The following BIRC6 variants were observed in gnomAD, a reference collection of about 807,000 sequenced individuals.
BIRC6 encodes baculoviral IAP repeat containing 6.
Under a neutral mutation model 503.3 loss-of-function variants are expected in BIRC6, and 98 were observed. That is an observed-to-expected ratio of 0.19 (90% CI 0.17 to 0.23). The LOEUF (loss-of-function observed/expected upper bound fraction) is 0.23. Ranked by LOEUF, BIRC6 falls within the 10% of genes least tolerant of loss-of-function variation. BIRC6 has a pLI of 1.00. For missense variants in BIRC6, 5,360 were observed against 5,806.0 expected (o/e 0.92, Z 2.50); for synonymous variants, 2,240 against 2,078.7 (o/e 1.08, Z -2.11).
rs763488585 is a variant in BIRC6, at chr2:32,534,686, G to A, written c.12291+3135G>A. On this transcript the variant is annotated intron_variant, in intron 61 of 73. Coordinates refer to ENST00000421745, the MANE Select transcript of BIRC6 (RefSeq NM_016252.4). Reference sequence around the variant, plus strand: ...GCAGAGGCTGCAGTTAACCAAGATCGCACCACTGCACTCCAGCCTGGGTGA... The same window carrying A: ...GCAGAGGCTGCAGTTAACCAAGATCACACCACTGCACTCCAGCCTGGGTGA... 3.3e-5 allele frequency among the ~76,000 whole-genome samples: 4 copies of A among 121,006 alleles called. No homozygotes were observed. In the Admixed American group the frequency reaches 3.3e-4, roughly 10 times the overall value. The allele number at this position is 121,006 out of a possible 152,430, so 79.4% of individuals were successfully genotyped here.
rs1350196082 is a variant in BIRC6 at position 32,488,688 on chromosome 2, G to A, written c.8069G>A (p.Arg2690Lys). 2 of 1,439,662 alleles carry A rather than the reference G, an allele frequency of 1.4e-6. No individual in the cohort carries two copies. Among genetic ancestry groups the A allele is most frequent in the Non-Finnish European group, 1.9e-6 (2 of 1,059,968 alleles). The allele number at this position is 1,439,662 out of a possible 1,614,324, so 89.2% of individuals were successfully genotyped here. ...GADIFLYNAN[R>K]IPVISLNQAS... ...GACATATTTTTATATAATGCTAATA[G>A]GATACCTGTTATTTCATTAAATCAA... Residue 2690 changes from arginine (R) to lysine (K), a missense_variant, in exon 42 of 74, where the codon AGG becomes AAG. Physicochemically the swap from Arg to Lys is conservative, Grantham distance 26 (BLOSUM62 2). Around this residue, in one of 16 missense-constraint regions of BIRC6, gnomAD observed 2,299 missense variants for 2,267.2 expected, o/e 1.01. Transcript: ENST00000421745.
At chr2:32,595,363 G>GA (rs1181796861) in intron 68 of BIRC6, among the ~76,000 whole-genome samples, 2 of 152,208 alleles carry the variant, frequency 1.3e-5, no homozygotes, top group Non-Finnish European at 2.9e-5. Context: ...TAAGAGCCTA[G>GA]AAAAAATAAA....
chr2:32,398,793 G>C (rs368627824), intron 6 of BIRC6, among the ~76,000 whole-genome samples: 1 of 152,000 alleles, frequency 6.6e-6, no homozygotes, highest in African/African-American at 2.4e-5. Flanking sequence ...AGAGAGAGAC[G>C]GAAAGGGGTA....
chr2:32,476,997 T>C (rs930207415), intron 34 of BIRC6, among the ~76,000 whole-genome samples: 5 of 152,206 alleles, frequency 3.3e-5, no homozygotes, highest in African/African-American at 1.2e-4. Flanking sequence ...CTCGAATTAA[T>C]ATTTTGTACT....
chr2:32,442,012 C>A lies in BIRC6; in HGVS notation c.3945-53C>A. On this transcript the variant is annotated intron_variant, in intron 17 of 73. Coordinates refer to ENST00000421745, the MANE Select transcript of BIRC6 (RefSeq NM_016252.4). ...TGCCTTTCCAGCCAGGTTGTGATAG[C>A]TTTAGTTGTTCTGTTTTGTTTGGTA... 4 of 1,326,796 alleles carry A rather than the reference C, an allele frequency of 3.0e-6. No individual in the cohort carries two copies. In the East Asian group the frequency reaches 7.4e-5, roughly 24 times the overall value. 82.2% of individuals were successfully genotyped at this position (1,326,796 alleles called of 1,614,324 possible).
At chr2:32,605,820 T>G (rs2062410669) in intron 71 of BIRC6, among the ~76,000 whole-genome samples, 1 of 152,056 alleles carries the variant, frequency 6.6e-6, no homozygotes, top group Non-Finnish European at 1.5e-5. Context: ...ATCGCACCAC[T>G]GCACTCCAGC....
At chr2:32,522,235 T>G (rs1211159900) in intron 57 of BIRC6, 1 of 152,068 alleles carries the variant, frequency 6.6e-6, no homozygotes, top group Non-Finnish European at 1.5e-5. Flanking sequence ...CCTTATGGAT[T>G]GTATGTTCTC....
intron 5 of BIRC6, among the ~76,000 whole-genome samples, chr2:32,394,046 T>C (rs1372651896): frequency 1.3e-5 from 2 of 151,478 alleles, no homozygotes; most frequent in Admixed American, 6.6e-5. Flanking sequence ...TTAGAATCAG[T>C]GAAATAATTT....
At chr2:32,373,706 G>A (rs888455756) in intron 1 of BIRC6, among the ~76,000 whole-genome samples, 4 of 152,182 alleles carry the variant, frequency 2.6e-5, no homozygotes, top group African/African-American at 7.2e-5. Flanking sequence ...GGAAAAAATA[G>A]AATTACCATA....
intron 3 of BIRC6, among the ~76,000 whole-genome samples, chr2:32,385,532 A>G (rs547770511): frequency 2.6e-4 from 39 of 152,320 alleles, no homozygotes; most frequent in Admixed American, 9.2e-4. Context: ...GTTTTTCAAA[A>G]GGAGAATGGT....
intron 50 of BIRC6, among the ~76,000 whole-genome samples, chr2:32,507,420 C>G (rs2053920228): frequency 6.6e-6 from 1 of 151,998 alleles, no homozygotes; most frequent in Non-Finnish European, 1.5e-5. Context: ...GGCAACAGAG[C>G]AAGACTCTAT....
At chr2:32,388,512 T>C (rs1188786325) in intron 3 of BIRC6, among the ~76,000 whole-genome samples, 1 of 152,234 alleles carries the variant, frequency 6.6e-6, no homozygotes, top group African/African-American at 2.4e-5. Context: ...TGGCCTTTAC[T>C]GCACATTTTC....
chr2:32,585,579 C>T (rs2151246654), intron 66 of BIRC6, among the ~76,000 whole-genome samples: 1 of 152,262 alleles, frequency 6.6e-6, no homozygotes, highest in South Asian at 2.1e-4. Context: ...AGGATTTTGC[C>T]ATGTTGGCCA....
intron 50 of BIRC6, among the ~76,000 whole-genome samples, chr2:32,506,749 A>G (rs972465344): frequency 2.6e-5 from 4 of 152,256 alleles, no homozygotes; most frequent in Admixed American, 2.6e-4. Context: ...ATGTTGTGAT[A>G]CAGTGGAAAT....
chr2:32,426,724 C>A (rs72798784), intron 10 of BIRC6, among the ~76,000 whole-genome samples: 10,736 of 152,304 alleles, frequency 0.07, 500 homozygotes, highest in Admixed American at 0.15. Context: ...CACCTACTTA[C>A]CATTTCTGTT....
intron 2 of BIRC6, 68 bp downstream of exon 2, chr2:32,377,837 GAAATT>G: frequency 1.5e-6 from 2 of 1,344,784 alleles, no homozygotes; most frequent in Non-Finnish European, 2.0e-6. Flanking sequence ...GATGTTAAAT[GAAATT>G]AAGTCATCCT....
At chr2:32,496,825 A>T (rs1411719298) in intron 45 of BIRC6, among the ~76,000 whole-genome samples, 1 of 152,188 alleles carries the variant, frequency 6.6e-6, no homozygotes, top group Non-Finnish European at 1.5e-5. Flanking sequence ...GAATACGGTT[A>T]GTTTAATTTC....
At position 32,387,375 on chromosome 2, in the gene BIRC6, A is replaced by G. The variant is rs114382149; in HGVS notation, c.646-1375A>G. On this transcript the variant is annotated intron_variant, in intron 3 of 73. Coordinates refer to ENST00000421745, the MANE Select transcript of BIRC6 (RefSeq NM_016252.4). ...AGTTTTTCCAGTATTGTATAGATAA[A>G]TAATAATTTACTAGGCTGCCTTGAG... Among the ~76,000 whole-genome samples, 1,419 of 151,392 alleles carry G rather than the reference A, an allele frequency of 9.4e-3. 15 individuals are homozygous for G. The highest frequency in any genetic ancestry group is 0.019 in the Admixed American group (287 of 15,192).
intron 3 of BIRC6, among the ~76,000 whole-genome samples, chr2:32,385,199 T>G (rs2038264382): frequency 6.6e-6 from 1 of 152,354 alleles, no homozygotes; most frequent in African/African-American, 2.4e-5. Context: ...TGCAGAACCA[T>G]CTGTAAATCA....
Sources: gnomAD v4.1 joint callset for allele counts (sites outside exome capture counted in the v4.1 genomes callset) on GRCh38, gnomAD v4.1.1 for gene constraint, gnomAD v4.1.1 regional missense constraint, MANE v1.5 for transcripts, NCBI Gene and HGNC (gene_info 2026-07-23, HGNC 2026-07-21) for gene names.